CFTR: variants seen among roughly 807,000 people sequenced by gnomAD.
CFTR encodes CF transmembrane conductance regulator, also known as cystic fibrosis transmembrane conductance regulator.
In CFTR, 181 loss-of-function variants were observed where a neutral mutation model predicts 171.6. The ratio of observed to expected loss-of-function variants is 1.05; its 90% CI spans 0.93 to 1.19. CFTR has a LOEUF of 1.19. Among genes scored for constraint, CFTR ranks in the 50% most tolerant of loss-of-function variants. The probability of loss-of-function intolerance (pLI) is 0.00; values close to 1 mark genes in which losing one functional copy is unlikely to be tolerated. For synonymous variants in CFTR, 583 were observed against 608.0 expected (o/e 0.96, Z 0.60); for missense variants, 1,968 against 1,734.7 (o/e 1.13, Z -2.39).
rs185317286 is a variant in CFTR at position 117,663,764 on chromosome 7, G to A, written c.3964-924G>A. On this transcript the variant is annotated intron_variant, in intron 24 of 26. Coordinates refer to ENST00000003084, the MANE Select transcript of CFTR (RefSeq NM_000492.4). ...CATACTAAATTCTAGACTTCTCAAGGGCAGGAGACAATCATCTGTATATCT... is the reference window on the plus strand; with the variant it reads ...CATACTAAATTCTAGACTTCTCAAGAGCAGGAGACAATCATCTGTATATCT... Among the ~76,000 whole-genome samples the A allele has an allele frequency of 8.5e-5, 13 of 152,118 alleles. No homozygotes were observed. The East Asian group carries it at 1.9e-3, about 23-fold the overall frequency.
intron 15 of CFTR, among the ~76,000 whole-genome samples, chr7:117,597,460 T>C (rs886461920): frequency 6.6e-6 from 1 of 152,202 alleles, no homozygotes; most frequent in African/African-American, 2.4e-5. Context: ...AGGAGTTGTC[T>C]TGGGCCACAC....
intron 14 of CFTR, among the ~76,000 whole-genome samples, chr7:117,593,228 A>G (rs1792064414): frequency 6.6e-6 from 1 of 152,202 alleles, no homozygotes; most frequent in Non-Finnish European, 1.5e-5. Context: ...TAAGCTTAAC[A>G]TGTACTAGTG....
chr7:117,511,289 A>G (rs990458320), intron 3 of CFTR, among the ~76,000 whole-genome samples: 3 of 152,204 alleles, frequency 2.0e-5, no homozygotes, highest in African/African-American at 7.2e-5. Flanking sequence ...AATCCACCCA[A>G]GAACCAGTCA....
At chr7:117,611,496 T>C in intron 19 of CFTR, 85 bp from the exon 20 acceptor site, 2 of 841,308 alleles carry the variant, frequency 2.4e-6, no homozygotes, top group Non-Finnish European at 4.0e-6. Flanking sequence ...TTATTCTAAT[T>C]TAGTCTTTTT....
Position 117,667,286 on chromosome 7 carries a change from G to A in CFTR, c.*178G>A. ...AGGGGAATTGAGGACACTGATATGG[G>A]TCTTGATAAATGGCTTCCTGGCAAT... On this transcript the variant is annotated 3_prime_UTR_variant, in exon 27 of 27. Transcript: ENST00000003084. 1 of 642,494 alleles carries A rather than the reference G, an allele frequency of 1.6e-6. No homozygotes were observed. The highest frequency in any genetic ancestry group is 2.9e-5 in the East Asian group (1 of 34,900). The allele number at this position is 642,494 out of a possible 1,614,324, so 39.8% of individuals were successfully genotyped here. A position where few individuals can be genotyped will look rare whatever the true frequency, so the allele number is the denominator to read the frequency against.
chr7:117,603,838 G>A, intron 17 of CFTR, 56 bp downstream of exon 17: 2 of 1,595,936 alleles, frequency 1.3e-6, no homozygotes, highest in African/African-American at 1.3e-5. Flanking sequence ...TAGGGCCTGT[G>A]GTTTTGTTGG....
In CFTR at chr7:117,575,651, C is replaced by T. The variant is rs4570091; in HGVS notation, c.1585-12088C>T. On this transcript the variant is annotated intron_variant, in intron 11 of 26. Coordinates refer to ENST00000003084, the MANE Select transcript of CFTR (RefSeq NM_000492.4). ...TTGGCTCATAAATGACTTTGCCAAA[C>T]CTTCCTTAGACTGCTCAGTGTTCTA... Among the ~76,000 whole-genome samples the T allele has an allele frequency of 5.3e-3, 812 of 152,182 alleles. 6 individuals are homozygous for T. Among genetic ancestry groups the T allele is most frequent in the African/African-American group, 0.018 (759 of 41,538 alleles).
At chr7:117,590,076 G>T (rs1440360194) in intron 12 of CFTR, among the ~76,000 whole-genome samples, 6 of 151,968 alleles carry the variant, frequency 3.9e-5, no homozygotes, top group African/African-American at 9.7e-5. Flanking sequence ...GCCACTTACA[G>T]TTAGCAAAAT....
At chr7:117,499,646 T>C (rs1260679783) in intron 1 of CFTR, among the ~76,000 whole-genome samples, 1 of 151,398 alleles carries the variant, frequency 6.6e-6, no homozygotes, top group Non-Finnish European at 1.5e-5. Context: ...GATTAATTAG[T>C]TTCTGTTAGA....
chr7:117,628,700 C>T (rs1792692731), intron 22 of CFTR, among the ~76,000 whole-genome samples: 1 of 151,978 alleles, frequency 6.6e-6, no homozygotes, highest in Non-Finnish European at 1.5e-5. Context: ...TGATTTTGCC[C>T]ATGGATTTTA....
In CFTR at chr7:117,611,763, G is replaced by C. The variant is rs397508542; in HGVS notation, c.3322G>C (p.Val1108Leu). 78 of 1,613,080 alleles carry C rather than the reference G, an allele frequency of 4.8e-5. No homozygotes were observed. The highest frequency in any genetic ancestry group is 6.6e-5 in the Non-Finnish European group (78 of 1,179,620). ...CCAAATGAGAATAGAAATGATTTTT[G>C]TCATCTTCTTCATTGCTGTTACCTT... is the stretch of plus-strand genomic sequence containing the variant. ...WFQMRIEMIF[V>L]IFFIAVTFIS... Residue 1108 changes from valine (V) to leucine (L), a missense_variant, in exon 20 of 27, where the codon GTC becomes CTC. Val to Leu is a conservative substitution (Grantham distance 32, BLOSUM62 1). Transcript: ENST00000003084.
At chr7:117,486,748 G>A (rs1294112054) in intron 1 of CFTR, among the ~76,000 whole-genome samples, 2 of 151,690 alleles carry the variant, frequency 1.3e-5, no homozygotes, top group African/African-American at 4.8e-5. Flanking sequence ...GCTTTGTTTG[G>A]GCTTTATCAT....
chr7:117,662,767 T>C (rs2116216854), intron 24 of CFTR, among the ~76,000 whole-genome samples: 1 of 152,040 alleles, frequency 6.6e-6, no homozygotes, highest in South Asian at 2.1e-4. Flanking sequence ...TATAATAGAG[T>C]TGGTAAGGAG....
intron 22 of CFTR, among the ~76,000 whole-genome samples, chr7:117,634,455 C>G (rs1792796417): frequency 6.6e-6 from 1 of 151,840 alleles, no homozygotes; most frequent in South Asian, 2.1e-4. Flanking sequence ...TTGATTTTCT[C>G]TGTTGATTTC....
At chr7:117,643,958 G>A (rs191408275) in intron 23 of CFTR, among the ~76,000 whole-genome samples, 28 of 152,230 alleles carry the variant, frequency 1.8e-4, no homozygotes, top group African/African-American at 6.3e-4. Flanking sequence ...CATGTTTGAC[G>A]TAGGAACGTA....
intron 24 of CFTR, among the ~76,000 whole-genome samples, chr7:117,656,083 G>A (rs1343297665): frequency 6.6e-6 from 1 of 152,052 alleles, no homozygotes; most frequent in Non-Finnish European, 1.5e-5. Flanking sequence ...CCTATAGGTA[G>A]CACTACTTTG....
intron 18 of CFTR, among the ~76,000 whole-genome samples, chr7:117,608,435 A>C (rs371208878): frequency 9.9e-5 from 15 of 152,002 alleles, no homozygotes; most frequent in African/African-American, 4.8e-5. Context: ...GAACTCCTGA[A>C]CTCCTGACCT....
At chr7:117,627,894 ACAC>A in intron 22 of CFTR, 124 bp downstream of exon 22, 2 of 1,016,318 alleles carry the variant, frequency 2.0e-6, no homozygotes, top group Non-Finnish European at 3.0e-6. Context: ...TCAATATTAA[ACAC>A]ACATGTTTTA....
chr7:117,543,182 T>C (rs923643511), intron 9 of CFTR, among the ~76,000 whole-genome samples: 3 of 152,320 alleles, frequency 2.0e-5, no homozygotes, highest in South Asian at 4.1e-4. Flanking sequence ...TCTAAATCTT[T>C]CTTAATGTCA....
Sources: gnomAD v4.1 joint callset for allele counts (sites outside exome capture counted in the v4.1 genomes callset) on GRCh38, gnomAD v4.1.1 for gene constraint, MANE v1.5 for transcripts, NCBI Gene and HGNC (gene_info 2026-07-23, HGNC 2026-07-21) for gene names.